The following IL16 variants were observed in gnomAD, a reference collection of about 807,000 sequenced individuals.
IL16 encodes the protein pro-interleukin-16.
Under a neutral mutation model 110.1 loss-of-function variants are expected in IL16, and 67 were observed. That is an observed-to-expected ratio of 0.61 (90% confidence interval 0.50 to 0.75). The LOEUF is 0.75. IL16 is among the 30% of genes least tolerant of loss of function. The pLI is 0.00. For synonymous variants in IL16, 689 were observed against 662.9 expected (o/e 1.04, Z -0.61); for missense variants, 1,545 against 1,655.0 (o/e 0.93, Z 1.15).
intron 1 of IL16, among the ~76,000 whole-genome samples, chr15:81,210,647 G>T (rs922638762): frequency 6.6e-6 from 1 of 152,106 alleles, no homozygotes; most frequent in African/African-American, 2.4e-5. Flanking sequence ...ACTCAGCCTG[G>T]ACATTATTGG....
In IL16 at chr15:81,306,548, G is replaced by T; in HGVS notation, c.3805+3G>T. 1 of 1,612,150 alleles carries T rather than the reference G, an allele frequency of 6.2e-7. No homozygotes were observed. The stretch of plus-strand genomic sequence containing the variant: ...CACCATTAACAGGATTTTCAAAGGT[G>T]TGGGGTGTGTCTGGTTCTTTGCGTG... On this transcript the variant is annotated splice_donor_region_variant and intron_variant, in intron 18 of 18. Transcript: ENST00000683961.
intron 10 of IL16, among the ~76,000 whole-genome samples, chr15:81,287,937 G>A (rs1451632742): frequency 6.6e-6 from 1 of 152,252 alleles, no homozygotes; most frequent in Non-Finnish European, 1.5e-5. Context: ...ATTTCCTCCT[G>A]CTGCTTTTAG....
chr15:81,195,610 G>A (rs535181192), upstream of IL16, among the ~76,000 whole-genome samples: 26 of 152,104 alleles, frequency 1.7e-4, no homozygotes, highest in Non-Finnish European at 2.6e-4. Flanking sequence ...CAGCAGCAGC[G>A]GCTAGATCTT....
intron 9 of IL16, among the ~76,000 whole-genome samples, chr15:81,285,359 G>A (rs1278713181): frequency 6.6e-6 from 1 of 152,168 alleles, no homozygotes; most frequent in Non-Finnish European, 1.5e-5. Context: ...CTGGTTAATT[G>A]TTATTTAGTT....
chr15:81,192,971 C>T (rs1463096819), upstream of IL16, among the ~76,000 whole-genome samples: 1 of 152,196 alleles, frequency 6.6e-6, no homozygotes, highest in Non-Finnish European at 1.5e-5. Flanking sequence ...AGGCACTGTT[C>T]TAAGAACCTT....
chr15:81,232,739 A>C (rs1897052397), intron 2 of IL16, among the ~76,000 whole-genome samples: 1 of 152,166 alleles, frequency 6.6e-6, no homozygotes, highest in Non-Finnish European at 1.5e-5. Flanking sequence ...TGTCCTTTTA[A>C]TATAACTCTG....
In IL16 at chr15:81,248,059, T is replaced by C. The variant is rs111531565; in HGVS notation, c.313-11713T>C. On this transcript the variant is annotated intron_variant, in intron 2 of 18. Transcript: ENST00000683961. ...AAAATCTCATGCTAGATTTTCCTTT[T>C]AGTTATTTCAGCATTATGAGGCTAT... Among the ~76,000 whole-genome samples the C allele has an allele frequency of 8.3e-3, 1,263 of 152,320 alleles. 11 individuals are homozygous for C. The highest frequency in any genetic ancestry group is 0.02 in the Middle Eastern group (6 of 294).
chr15:81,198,733 C>T lies in IL16; in HGVS notation c.-102+1581C>T, dbSNP rs896902775. On this transcript the variant is annotated intron_variant, in intron 1 of 18. Transcript: ENST00000683961. Reference sequence around the variant, plus strand: ...AGGGAGGTACACTTTGAATTGAAATCTACTGGCCAGGTACAGTGGCTCACG... The same window carrying T: ...AGGGAGGTACACTTTGAATTGAAATTTACTGGCCAGGTACAGTGGCTCACG... Among the ~76,000 whole-genome samples the T allele has an allele frequency of 5.5e-5, 5 of 91,564 alleles. No homozygotes were observed. In the East Asian group the frequency reaches 3.4e-3, roughly 62 times the overall value. The allele number at this position is 91,564 out of a possible 152,430, so 60.1% of individuals were successfully genotyped here.
intron 14 of IL16, among the ~76,000 whole-genome samples, 168 bp downstream of exon 14, chr15:81,300,643 GTGTC>G (rs1900238307): frequency 1.3e-5 from 2 of 152,116 alleles, no homozygotes; most frequent in Non-Finnish European, 2.9e-5. Context: ...GAGTGTGTGT[GTGTC>G]TGTCTGTAGG....
In IL16 at chr15:81,199,036, TA is replaced by T. The variant is rs1566990633; in HGVS notation, c.-102+1885del. Among the ~76,000 whole-genome samples the T allele has an allele frequency of 7.3e-4, 58 of 79,946 alleles. 1 individual carries two copies. Among genetic ancestry groups the T allele is most frequent in the African/African-American group, 5.8e-3 (53 of 9,192 alleles). 52.4% of individuals were successfully genotyped at this position (79,946 alleles called of 152,430 possible). A position where few individuals can be genotyped will look rare whatever the true frequency, so the allele number is the denominator to read the frequency against. On this transcript the variant is annotated intron_variant, in intron 1 of 18. Coordinates refer to ENST00000683961, the MANE Select transcript of IL16 (RefSeq NM_172217.5). ...CTCCATCTCAAAAAAAAAAAATATA[TA>T]TATATATATATATATATATATATAA... is the stretch of plus-strand genomic sequence containing the variant.
At chr15:81,185,261 C>T (rs1158974443) in intron 1 of IL16, among the ~76,000 whole-genome samples, 3 of 152,148 alleles carry the variant, frequency 2.0e-5, no homozygotes, top group Admixed American at 6.5e-5. Flanking sequence ...TATTACTCTC[C>T]GTCTCCTCCT....
At position 81,290,533 on chromosome 15, in the gene IL16, T is replaced by C; in HGVS notation, c.1413T>C (p.Ser471=). 1 of 1,606,620 alleles carries C rather than the reference T, an allele frequency of 6.2e-7. No homozygotes were observed. The highest frequency in any genetic ancestry group is 8.5e-7 in the Non-Finnish European group (1 of 1,173,978). ...TKFGKERHQW[S]LEGVKRLESS... is the part of the protein sequence containing the mutation. ...TTGGAAAGGAGAGGCATCAGTGGAG[T>C]CTGGAAGGTAAGACAAATGGTGAAC... The change falls in exon 11 of 19, where the codon AGT becomes AGC. Residue 471 remains serine, a synonymous_variant. Coordinates refer to ENST00000683961, the MANE Select transcript of IL16 (RefSeq NM_172217.5).
chr15:81,211,656 A>G (rs111377212), intron 1 of IL16, among the ~76,000 whole-genome samples: 12,255 of 152,216 alleles, frequency 0.081, 514 homozygotes, highest in Middle Eastern at 0.1. Flanking sequence ...CCAAAGTGCT[A>G]GAATTACAGG....
chr15:81,182,733 T>C (rs971255046), exon 1 of IL16: 1 of 449,274 alleles, frequency 2.2e-6, no homozygotes, highest in Non-Finnish European at 4.1e-6. Context: ...GGAGTTACTT[T>C]GTAGTTTTAA....
intron 13 of IL16, among the ~76,000 whole-genome samples, chr15:81,297,912 G>T (rs1900071805): frequency 1.3e-5 from 2 of 152,182 alleles, no homozygotes; most frequent in South Asian, 4.1e-4. Flanking sequence ...CTACAGAAAA[G>T]CTCATGAAAG....
In IL16 at chr15:81,292,801, T is replaced by C. The variant is rs756494278; in HGVS notation, c.1666T>C (p.Ser556Pro). 2 of 1,614,070 alleles carry C rather than the reference T, an allele frequency of 1.2e-6. No individual in the cohort carries two copies. The highest frequency in any genetic ancestry group is 1.7e-6 in the Non-Finnish European group (2 of 1,179,996). The change falls in exon 12 of 19, where the codon TCT (serine) becomes CCT (proline). Residue 556 changes from serine (S) to proline (P), a missense_variant. Ser to Pro is a moderately conservative substitution (Grantham distance 74, BLOSUM62 -1). This residue lies in a region of IL16 where 1,185 missense variants were observed against 1,238.8 expected (regional missense o/e 0.96). Transcript: ENST00000683961. ...LPLAREPVVL[S>P]IASSRLPQES... ...TCTGGCACGGGAGCCAGTGGTGCTT[T>C]CTATAGCATCCTCCAGGCTGCCCCA...
chr15:81,274,371 C>T (rs1264258450), intron 6 of IL16, among the ~76,000 whole-genome samples: 3 of 152,146 alleles, frequency 2.0e-5, no homozygotes, highest in Non-Finnish European at 4.4e-5. Context: ...ATAAAAAAGC[C>T]TTCTGGGGAC....
Position 81,292,308 on chromosome 15 carries a change from C to A in IL16, c.1421-248C>A. 5.5e-6 allele frequency: 3 copies of A among 548,934 alleles called. No individual in the cohort carries two copies. The South Asian group carries it at 5.7e-5, about 11-fold the overall frequency. 34.0% of individuals were successfully genotyped at this position (548,934 alleles called of 1,614,324 possible). The stretch of plus-strand genomic sequence containing the variant: ...ACCAAGCCCTTCCTCGATGGGTGAT[C>A]TGGGTGGCATATCTCCATATACATC... On this transcript the variant is annotated intron_variant, in intron 11 of 18. Coordinates refer to ENST00000683961, the MANE Select transcript of IL16 (RefSeq NM_172217.5).
In IL16 at chr15:81,299,833, C is replaced by T. The variant is rs760058693; in HGVS notation, c.2507C>T (p.Ser836Phe). The T allele has an allele frequency of 1.2e-6, 2 of 1,614,040 alleles. No individual in the cohort carries two copies. The highest frequency in any genetic ancestry group is 1.7e-6 in the Non-Finnish European group (2 of 1,180,024). ...TCACACATCCGGGCCTCCTCCTCCTCCTCCTCCATCAGGCAGAGAATCAGC... is the reference window on the plus strand; with the variant it reads ...TCACACATCCGGGCCTCCTCCTCCTTCTCCTCCATCAGGCAGAGAATCAGC... ...LGSHIRASSS[S>F]SSIRQRISSF... Residue 836 changes from serine (S) to phenylalanine (F), a missense_variant, in exon 14 of 19, where the codon TCC becomes TTC. Transcript: ENST00000683961.
Sources: allele counts gnomAD v4.1 joint callset (sites outside exome capture counted in the v4.1 genomes callset), GRCh38; gene constraint gnomAD v4.1.1; regional missense constraint gnomAD v4.1.1; transcripts MANE v1.5; gene names NCBI Gene and HGNC (gene_info 2026-07-23, HGNC 2026-07-21).